The following ZNF536 variants were observed in gnomAD, a reference collection of about 807,000 sequenced individuals.
The protein encoded by ZNF536 is zinc finger protein 536.
ZNF536 carries 13 observed loss-of-function variants against 84.5 expected under a neutral mutation model. The ratio of observed to expected loss-of-function variants is 0.15; its 90% CI spans 0.10 to 0.24. The LOEUF is 0.24. Ranked by LOEUF, ZNF536 falls within the 10% of genes least tolerant of loss-of-function variation. The pLI, the probability that ZNF536 is intolerant of heterozygous loss-of-function variation, is 1.00. For synonymous variants in ZNF536, 811 were observed against 742.5 expected (o/e 1.09, Z -1.50); for missense variants, 1,536 against 1,747.5 (o/e 0.88, Z 2.16).
intron 2 of ZNF536, among the ~76,000 whole-genome samples, chr19:30,451,674 G>T (rs759825705): frequency 2.0e-5 from 3 of 152,158 alleles, no homozygotes; most frequent in Non-Finnish European, 4.4e-5. Context: ...GCTTGTGAGG[G>T]ATTAGATTCG....
rs967489063 is a variant in ZNF536, at chr19:30,323,906, T to C, written c.-119-28462T>C. Among the ~76,000 whole-genome samples, 6 of 152,238 alleles carry C rather than the reference T, an allele frequency of 3.9e-5. No individual in the cohort carries two copies. The South Asian group carries it at 1.0e-3, about 26-fold the overall frequency. On this transcript the variant is annotated intron_variant, in intron 2 of 5. Coordinates refer to the ZNF536 transcript ENST00000585628. ...TCCCCTCAGTCAACCTGACCATCCC[T>C]CTTTCCCATTTTCTCTCCCTCCATC...
intron 1 of ZNF536, among the ~76,000 whole-genome samples, chr19:30,385,586 A>C (rs1410381712): frequency 6.6e-6 from 1 of 150,858 alleles, no homozygotes; most frequent in Non-Finnish European, 1.5e-5. Context: ...CTTGACATTC[A>C]AGGCATCTCC....
At chr19:30,383,966 T>C (rs2049186442) in intron 1 of ZNF536, among the ~76,000 whole-genome samples, 1 of 68,696 alleles carries the variant, frequency 1.5e-5, no homozygotes, top group African/African-American at 5.8e-5. Flanking sequence ...TCCCCTTCCC[T>C]TCCTTCTTCC....
chr19:30,395,024 G>T (rs2049755906), intron 1 of ZNF536, among the ~76,000 whole-genome samples: 1 of 152,142 alleles, frequency 6.6e-6, no homozygotes, highest in Admixed American at 6.5e-5. Flanking sequence ...TGTATTCAGG[G>T]TTTAGTGTAA....
At chr19:30,523,337 A>G (rs1346003334) in intron 2 of ZNF536, among the ~76,000 whole-genome samples, 2 of 152,174 alleles carry the variant, frequency 1.3e-5, no homozygotes, top group African/African-American at 4.8e-5. Context: ...AGTGATTTAT[A>G]TACCTTAGAC....
At chr19:30,439,950 TCTTTCTTTC>T in intron 1 of ZNF536, among the ~76,000 whole-genome samples, 1 of 133,174 alleles carries the variant, frequency 7.5e-6, no homozygotes, top group Admixed American at 7.7e-5. Context: ...CTTTTCTTTT[TCTTTCTTTC>T]TTTTTTTTTT....
chr19:30,420,311 C>G (rs890635650), intron 1 of ZNF536, among the ~76,000 whole-genome samples: 2 of 152,174 alleles, frequency 1.3e-5, no homozygotes, highest in African/African-American at 4.8e-5. Context: ...TCTTGGAAGA[C>G]CCCACAAGAC....
At position 30,445,373 on chromosome 19, in the gene ZNF536, G is replaced by A; in HGVS notation, c.1811G>A (p.Ser604Asn). The A allele has an allele frequency of 6.2e-7, 1 of 1,614,196 alleles. No individual in the cohort carries two copies. The highest frequency in any genetic ancestry group is 8.5e-7 in the Non-Finnish European group (1 of 1,180,032). ...LPSKLDPLES[S>N]RDFLSHGLNQ... is the part of the protein sequence containing the mutation. ...AGTAAGCTCGACCCTTTAGAAAGCA[G>A]TCGGGATTTTTTGTCACACGGGCTG... Residue 604 changes from serine to asparagine, a missense_variant, in exon 2 of 5, where the codon AGT becomes AAT. Ser to Asn is a conservative substitution (Grantham distance 46). Coordinates refer to ENST00000355537, the MANE Select transcript of ZNF536 (RefSeq NM_014717.3). This position sits in a 1 kb window ranked among gnomAD's most constrained non-coding sequence, Gnocchi z 4.5.
chr19:30,327,302 C>T (rs2047071910), intron 2 of ZNF536, among the ~76,000 whole-genome samples: 1 of 152,142 alleles, frequency 6.6e-6, no homozygotes, highest in Non-Finnish European at 1.5e-5. Context: ...CCAGAATTTA[C>T]ACCAGCTTTG....
chr19:30,595,412 C>T (rs1057287101), intron 1 of ZNF536, among the ~76,000 whole-genome samples: 4 of 152,130 alleles, frequency 2.6e-5, no homozygotes, highest in African/African-American at 4.8e-5. Flanking sequence ...CTCAGCCTCC[C>T]GAGTAGCTGG....
chr19:30,271,715 T>C (rs949949974), intron 1 of ZNF536, among the ~76,000 whole-genome samples: 9 of 152,152 alleles, frequency 5.9e-5, no homozygotes, highest in Non-Finnish European at 1.2e-4. Flanking sequence ...GGTTTCTGTC[T>C]TGGAGACTGA....
At chr19:30,293,699 C>T (rs551647653) in intron 2 of ZNF536, among the ~76,000 whole-genome samples, 3 of 152,114 alleles carry the variant, frequency 2.0e-5, no homozygotes, top group Non-Finnish European at 2.9e-5. Context: ...GTACGATAAT[C>T]GGAGTTGCAG....
At chr19:30,368,166 A>G (rs2048498469), upstream of ZNF536, among the ~76,000 whole-genome samples, 1 of 152,184 alleles carries the variant, frequency 6.6e-6, no homozygotes, top group Non-Finnish European at 1.5e-5. Flanking sequence ...CTCTGCAAGG[A>G]GAGACTCATG....
chr19:30,482,334 A>G (rs981802386), intron 2 of ZNF536, among the ~76,000 whole-genome samples: 1 of 152,210 alleles, frequency 6.6e-6, no homozygotes, highest in Non-Finnish European at 1.5e-5. Context: ...ATCCTGCAGT[A>G]GAAAATGGGG....
chr19:30,522,936 T>G (rs1401475356), intron 2 of ZNF536, among the ~76,000 whole-genome samples: 1 of 152,224 alleles, frequency 6.6e-6, no homozygotes, highest in Non-Finnish European at 1.5e-5. Context: ...TCTAACGACC[T>G]GCCGCTTCAT....
At chr19:30,652,810 C>G (rs1244405494) in intron 1 of ZNF536, among the ~76,000 whole-genome samples, 1 of 152,180 alleles carries the variant, frequency 6.6e-6, no homozygotes, top group African/African-American at 2.4e-5. Flanking sequence ...TGACCTTCAC[C>G]TGGGGCGTGG....
At chr19:30,341,106 C>T (rs2047551494) in intron 2 of ZNF536, among the ~76,000 whole-genome samples, 1 of 152,166 alleles carries the variant, frequency 6.6e-6, no homozygotes. Context: ...CAGATGGAAG[C>T]TTTACATTTT....
intron 1 of ZNF536, among the ~76,000 whole-genome samples, chr19:30,231,056 G>A (rs1159615597): frequency 6.6e-6 from 1 of 151,998 alleles, no homozygotes. Context: ...GACAATTATA[G>A]CTTTTTAACA....
intron 1 of ZNF536, among the ~76,000 whole-genome samples, chr19:30,698,359 T>C (rs954744946): frequency 1.3e-5 from 2 of 152,166 alleles, no homozygotes; most frequent in Non-Finnish European, 2.9e-5. Context: ...CATTTCCCAC[T>C]ATTATTAACA....
Sources: gnomAD v4.1 joint callset for allele counts (sites outside exome capture counted in the v4.1 genomes callset) on GRCh38, gnomAD v4.1.1 for gene constraint, Gnocchi (gnomAD v3.1) non-coding constraint, MANE v1.5 for transcripts, NCBI Gene and HGNC (gene_info 2026-07-23, HGNC 2026-07-21) for gene names.